Variants in ELL2 observed in about 807,000 individuals in gnomAD.
The protein encoded by ELL2 is elongation factor for RNA polymerase II 2, also known as RNA polymerase II elongation factor ELL2.
ELL2 carries 21 observed loss-of-function variants against 72.8 expected under a neutral mutation model. That is an observed-to-expected ratio of 0.29 (90% CI 0.20 to 0.42). The LOEUF (loss-of-function observed/expected upper bound fraction) is 0.42. ELL2 is among the 10% of genes least tolerant of loss of function. The pLI is 1.00. For synonymous variants in ELL2, 266 were observed against 283.2 expected (o/e 0.94, Z 0.61); for missense variants, 568 against 772.8 (o/e 0.73, Z 3.14).
intron 2 of ELL2, among the ~76,000 whole-genome samples, chr5:95,931,580 G>A (rs1324889954): frequency 6.6e-6 from 1 of 151,980 alleles, no homozygotes; most frequent in African/African-American, 2.4e-5. Context: ...AAGCTTAAGT[G>A]TTAGTGTAAA....
At chr5:95,960,589 G>A (rs1424266320) in intron 1 of ELL2, among the ~76,000 whole-genome samples, 5 of 151,776 alleles carry the variant, frequency 3.3e-5, no homozygotes, top group African/African-American at 1.2e-4. Flanking sequence ...GTCTCTGCCC[G>A]GGATGCATTG....
At position 95,889,096 on chromosome 5, in the gene ELL2, T is replaced by G; in HGVS notation, c.1796A>C (p.Lys599Thr). 6.2e-7 allele frequency: 1 copy of G among 1,611,266 alleles called. No homozygotes were observed. The highest frequency in any genetic ancestry group is 8.5e-7 in the Non-Finnish European group (1 of 1,178,610). ...AGTGATGATACCTACCTGCTTTATC[T>G]TCTGATATTCTTGTAAGACTTCTTC... ...VHEEVLQEYQ[K>T]IKQSSPNYHE... Residue 599 changes from lysine (K) to threonine (T), a missense_variant, in exon 11 of 12, where the codon AAG (lysine) becomes ACG (threonine). By Grantham distance (78) the Lys-to-Thr change is moderately conservative. Transcript: ENST00000237853.
At chr5:95,954,583 C>CTTTTT (rs768347567) in intron 1 of ELL2, among the ~76,000 whole-genome samples, 5 of 98,650 alleles carry the variant, frequency 5.1e-5, no homozygotes, top group South Asian at 3.6e-4. Flanking sequence ...ATTTTCTTTT[C>CTTTTT]TTTTTTTTTT....
chr5:95,943,033 C>G lies in ELL2; in HGVS notation c.164G>C (p.Arg55Pro). The change falls in exon 2 of 12, where the codon CGA becomes CCA. Residue 55 changes from arginine (R) to proline (P), a missense_variant. Physicochemically the swap from Arg to Pro is moderately radical, Grantham distance 103. Transcript: ENST00000237853. ...GAGTCCTTGGAACTGGATTGAAGGTCGAAAAGGAATTAAATTCTATTAAAA... is the reference window on the plus strand; with the variant it reads ...GAGTCCTTGGAACTGGATTGAAGGTGGAAAAGGAATTAAATTCTATTAAAA... ...YQSHKNLIPFRPSIQFQGLHG... is the reference protein window; with the variant it reads ...YQSHKNLIPFPPSIQFQGLHG... The G allele has an allele frequency of 6.3e-7, 1 of 1,599,368 alleles. No individual in the cohort carries two copies. Among genetic ancestry groups the G allele is most frequent in the African/African-American group, 1.3e-5 (1 of 74,256 alleles).
chr5:95,960,878 C>A (rs886731319), intron 1 of ELL2, among the ~76,000 whole-genome samples: 1 of 151,702 alleles, frequency 6.6e-6, no homozygotes, highest in Non-Finnish European at 1.5e-5. Flanking sequence ...GTCCCCTCCC[C>A]CCCCGTACGC....
intron 1 of ELL2, among the ~76,000 whole-genome samples, chr5:95,950,932 AT>A (rs1751365961): frequency 1.6e-5 from 2 of 127,708 alleles, no homozygotes; most frequent in African/African-American, 3.1e-5. Context: ...ATATATATAT[AT>A]ATATATATAT....
intron 1 of ELL2, among the ~76,000 whole-genome samples, chr5:95,945,058 G>C (rs1328002230): frequency 2.0e-5 from 3 of 152,022 alleles, no homozygotes; most frequent in Non-Finnish European, 4.4e-5. Flanking sequence ...GAACCTGTTG[G>C]GTGATAACTC....
At chr5:95,904,079 T>A (rs1749254761) in intron 5 of ELL2, among the ~76,000 whole-genome samples, 1 of 142,370 alleles carries the variant, frequency 7.0e-6, no homozygotes. Context: ...AAATGCAGTC[T>A]AAATGCAGTC....
chr5:95,913,849 G>A lies in ELL2; in HGVS notation c.403C>T (p.Arg135Ter), dbSNP rs1749691051. The change falls in exon 4 of 12, where the codon CGA becomes TGA. Residue 135 changes from arginine (R) to a stop codon, truncating the protein, a stop_gained. Coordinates refer to ENST00000237853, the MANE Select transcript of ELL2 (RefSeq NM_012081.6). LOFTEE classifies it high-confidence loss of function. ...TCCTCTGCCTGGGTCATTCTTTCTC[G>A]TGTCATCTGATACGAGTCGTTTGTT... ...CATNDSYQMT[R>*]ERMTQAEEES... The A allele has an allele frequency of 1.2e-6, 2 of 1,613,128 alleles. No individual in the cohort carries two copies. The highest frequency in any genetic ancestry group is 1.7e-6 in the Non-Finnish European group (2 of 1,179,662).
chr5:95,929,781 TAAA>T (rs755110562), intron 2 of ELL2, among the ~76,000 whole-genome samples: 1 of 134,700 alleles, frequency 7.4e-6, no homozygotes, highest in Non-Finnish European at 1.6e-5. Context: ...AAAGGAAGGG[TAAA>T]AAAAAAAAAA....
chr5:95,899,074 G>A (rs1039501602), intron 7 of ELL2, among the ~76,000 whole-genome samples: 3 of 152,290 alleles, frequency 2.0e-5, no homozygotes, highest in Admixed American at 1.3e-4. Context: ...TCTGGCAAAT[G>A]TTTCTTGAAG....
chr5:95,901,828 T>C (rs908508288), intron 5 of ELL2, among the ~76,000 whole-genome samples: 5 of 152,194 alleles, frequency 3.3e-5, no homozygotes, highest in Admixed American at 6.5e-5. Context: ...AAGTGACTAA[T>C]GAGTGGGTAG....
intron 1 of ELL2, among the ~76,000 whole-genome samples, chr5:95,944,793 T>C (rs1403798058): frequency 6.6e-6 from 1 of 152,232 alleles, no homozygotes; most frequent in African/African-American, 2.4e-5. Context: ...TACACTTCCC[T>C]CATTACACTT....
At chr5:95,930,900 T>G (rs1342061134) in intron 2 of ELL2, among the ~76,000 whole-genome samples, 1 of 132,808 alleles carries the variant, frequency 7.5e-6, no homozygotes, top group Non-Finnish European at 1.5e-5. Context: ...ATATGCACCA[T>G]TTTGTGCCAT....
intron 2 of ELL2, among the ~76,000 whole-genome samples, chr5:95,920,078 G>A (rs752026349): frequency 6.3e-4 from 96 of 151,940 alleles, no homozygotes; most frequent in Non-Finnish European, 9.6e-4. Flanking sequence ...ACAGCATAAG[G>A]TTAATGCCAT....
chr5:95,916,043 G>A (rs1749781329), intron 3 of ELL2, among the ~76,000 whole-genome samples: 2 of 151,754 alleles, frequency 1.3e-5, no homozygotes, highest in African/African-American at 4.8e-5. Flanking sequence ...GGCCACTTAG[G>A]ATGCTACTGA....
At chr5:95,889,061 G>A in intron 11 of ELL2, 25 bp downstream of exon 11, 3 of 1,599,204 alleles carry the variant, frequency 1.9e-6, no homozygotes, top group Non-Finnish European at 2.6e-6. Context: ...CCACAGGTCA[G>A]AAAATCAACA....
intron 1 of ELL2, among the ~76,000 whole-genome samples, chr5:95,954,598 T>TTTTTTTTTTTTTTTTTTTTTTTTTG (rs1751558191): frequency 8.8e-6 from 1 of 114,222 alleles, no homozygotes; most frequent in African/African-American, 4.2e-5. Context: ...TTTTTTTTCT[T>TTTTTTTTTTTTTTTTTTTTTTTTTG]TTTTTTTTTT....
intron 2 of ELL2, among the ~76,000 whole-genome samples, chr5:95,929,364 TTC>T (rs201480102): frequency 0.027 from 4,165 of 151,898 alleles, 188 homozygotes; most frequent in African/African-American, 0.095. Flanking sequence ...GTTCAAGCGA[TTC>T]TCCTGCCTCA....
Sources: allele counts gnomAD v4.1 joint callset (sites outside exome capture counted in the v4.1 genomes callset), GRCh38; gene constraint gnomAD v4.1.1; transcripts MANE v1.5; gene names NCBI Gene and HGNC (gene_info 2026-07-23, HGNC 2026-07-21).